Variants in MMP3 observed in about 807,000 individuals in gnomAD.
MMP3 encodes the protein stromelysin-1.
In MMP3, 46 loss-of-function variants were observed where a neutral mutation model predicts 47.3. That is an observed-to-expected ratio of 0.97 (90% confidence interval 0.77 to 1.24). MMP3 has a LOEUF of 1.24. Among genes scored for constraint, MMP3 ranks in the 50% most tolerant of loss-of-function variants. The pLI, the probability that MMP3 is intolerant of heterozygous loss-of-function variation, is 0.00. For synonymous variants in MMP3, 216 were observed against 206.5 expected (o/e 1.05, Z -0.39); for missense variants, 558 against 565.5 (o/e 0.99, Z 0.13).
chr11:102,836,100 CAT>C lies in MMP3; in HGVS notation c.*24_*25del. 1 of 1,495,984 alleles carries C rather than the reference CAT, an allele frequency of 6.7e-7. No individual in the cohort carries two copies. The highest frequency in any genetic ancestry group is 9.3e-7 in the Non-Finnish European group (1 of 1,075,988). 92.7% of individuals were successfully genotyped at this position (1,495,984 alleles called of 1,614,324 possible). A position where few individuals can be genotyped will look rare whatever the true frequency, so the allele number is the denominator to read the frequency against. ...AATTATTAGCTTCATTTAAAGTGCCCATATTGTGCCTTCTACATATCTCTTTC... is the reference window on the plus strand; with the variant it reads ...AATTATTAGCTTCATTTAAAGTGCCCATTGTGCCTTCTACATATCTCTTTC... On this transcript the variant is annotated 3_prime_UTR_variant, in exon 10 of 10. Transcript: ENST00000299855. The surrounding 1 kb of genome is among the most constrained non-coding windows in gnomAD (Gnocchi z 4.6).
rs1555005577 is a variant in MMP3 at position 102,842,265 on chromosome 11, A to G, written c.514T>C (p.Tyr172His). ...ACATTTCCAGGTCCATCAAAAGGGT[A>G]AAAGTCTCCATGTTCTAGTAGGAAA... The part of the protein sequence containing the change: ...SFAVREHGDF[Y>H]PFDGPGNVLA... Residue 172 changes from tyrosine to histidine, a missense_variant, in exon 4 of 10, where the codon TAC (tyrosine) becomes CAC (histidine). Tyr to His is a moderately conservative substitution (Grantham distance 83). Transcript: ENST00000299855. The G allele has an allele frequency of 6.2e-7, 1 of 1,605,578 alleles. No individual in the cohort carries two copies.
chr11:102,838,446 A>G, intron 8 of MMP3, 105 bp downstream of exon 8: 1 of 1,221,492 alleles, frequency 8.2e-7, no homozygotes, highest in Non-Finnish European at 1.1e-6. Flanking sequence ...CATCCTTCCT[A>G]CTAAGAGAGA....
intron 7 of MMP3, among the ~76,000 whole-genome samples, 199 bp downstream of exon 7, chr11:102,838,911 C>T (rs1307721413): frequency 3.3e-5 from 5 of 152,186 alleles, no homozygotes; most frequent in East Asian, 1.9e-4. Context: ...GAATTTACAA[C>T]TCTGGGTAAT....
rs41516350 is a variant in MMP3, at chr11:102,838,649, G to A, written c.1131C>T (p.His377=). The stretch of plus-strand genomic sequence containing the variant: ...TCACGGTTGGAGGGAAACCTAGGGT[G>A]TGGATGCCTCTTGGGTATCCAGCTC... ...EVRAGYPRGI[H]TLGFPPTVRK... The change falls in exon 8 of 10, where the codon CAC becomes CAT. Residue 377 remains histidine, a synonymous_variant. Coordinates refer to ENST00000299855, the MANE Select transcript of MMP3 (RefSeq NM_002422.5). 6.1e-4 allele frequency: 991 copies of A among 1,614,002 alleles called. 5 individuals are homozygous for A. The African/African-American group carries it at 0.011, about 19-fold the overall frequency.
At position 102,835,981 on chromosome 11, in the gene MMP3, T is replaced by C; in HGVS notation, c.*145A>G. 4.7e-6 allele frequency: 3 copies of C among 632,066 alleles called. No homozygotes were observed. The highest frequency in any genetic ancestry group is 2.8e-6 in the Non-Finnish European group (1 of 352,210). The allele number at this position is 632,066 out of a possible 1,614,324, so 39.2% of individuals were successfully genotyped here. ...AATAACATAAAAATGACCGGCAAGA[T>C]ACAGATTCACGCTCAAGTTCCCTTG... On this transcript the variant is annotated 3_prime_UTR_variant, in exon 10 of 10. Coordinates refer to ENST00000299855, the MANE Select transcript of MMP3 (RefSeq NM_002422.5).
chr11:102,843,469 ACC>A lies in MMP3; in HGVS notation c.76_77del (p.Gly26Ter). On this transcript the variant is annotated frameshift_variant, in exon 1 of 10. Coordinates refer to ENST00000299855, the MANE Select transcript of MMP3 (RefSeq NM_002422.5). LOFTEE classifies it high-confidence loss of function. The part of the protein sequence containing the change: ...SAYPLDGAAR[G>X]EDTSMNLVQK... ...GAACAAGGTTCATGCTGGTGTCCTC[ACC>A]CCTTGCAGCTCCATCCAATGGATAG... 6.2e-7 allele frequency: 1 copy of A among 1,613,492 alleles called. No individual in the cohort carries two copies. The highest frequency in any genetic ancestry group is 8.5e-7 in the Non-Finnish European group (1 of 1,179,730).
intron 4 of MMP3, among the ~76,000 whole-genome samples, chr11:102,841,533 G>A (rs1425747444): frequency 1.3e-5 from 2 of 152,032 alleles, no homozygotes; most frequent in Non-Finnish European, 2.9e-5. Flanking sequence ...AGTGTTAATT[G>A]TTTTAGCTGA....
At position 102,840,489 on chromosome 11, in the gene MMP3, T is replaced by C. The variant is rs767046399; in HGVS notation, c.730A>G (p.Thr244Ala). 20 of 1,614,036 alleles carry C rather than the reference T, an allele frequency of 1.2e-5. No homozygotes were observed. Among genetic ancestry groups the C allele is most frequent in the Non-Finnish European group, 1.7e-5 (20 of 1,179,980 alleles). The change falls in exon 5 of 10, where the codon ACA (threonine) becomes GCA (alanine). Residue 244 changes from threonine to alanine, a missense_variant. Thr to Ala is a moderately conservative substitution (Grantham distance 58). Coordinates refer to ENST00000299855, the MANE Select transcript of MMP3 (RefSeq NM_002422.5). ...GACAGGCGGAACCGAGTCAGGTCTG[T>C]GAGTGAGTGATAGAGTGGGTACATC... Reference protein sequence around the residue: ...ALMYPLYHSLTDLTRFRLSQD... With the variant: ...ALMYPLYHSLADLTRFRLSQD...
In MMP3 at chr11:102,840,185, C is replaced by T. The variant is rs145663265; in HGVS notation, c.858G>A (p.Thr286=). Residue 286 remains threonine (T), a synonymous_variant, in exon 6 of 10, where the codon ACG becomes ACA. Coordinates refer to ENST00000299855, the MANE Select transcript of MMP3 (RefSeq NM_002422.5). ...ACAAAGCAGGATCACAGTTGGCTGG[C>T]GTCCCAGGTTCTGGAGGGACAGGTT... ...PTEPVPPEPG[T]PANCDPALSF... is the part of the protein sequence containing the mutation. 43 of 1,613,912 alleles carry T rather than the reference C, an allele frequency of 2.7e-5. No homozygotes were observed. Among genetic ancestry groups the T allele is most frequent in the Non-Finnish European group, 3.2e-5 (38 of 1,179,982 alleles).
In MMP3 at chr11:102,836,791, CT is replaced by C. The variant is rs371846985; in HGVS notation, c.1333+506del. 13,562 of 191,416 alleles carry C rather than the reference CT, an allele frequency of 0.071. 24 individuals carry two copies. The highest frequency in any genetic ancestry group is 0.15 in the South Asian group (1,777 of 11,942). The allele number at this position is 191,416 out of a possible 1,614,324, so 11.9% of individuals were successfully genotyped here. A position where few individuals can be genotyped will look rare whatever the true frequency, so the allele number is the denominator to read the frequency against. ...CCTTACCTTGAGTAGAAAACAAAAT[CT>C]TTTTTTTTTTTTAAACTTTGGGCAC... On this transcript the variant is annotated intron_variant, in intron 9 of 9. Coordinates refer to ENST00000299855, the MANE Select transcript of MMP3 (RefSeq NM_002422.5). This position sits in a 1 kb window ranked among gnomAD's most constrained non-coding sequence, Gnocchi z 4.6.
rs1858874368 is a variant in MMP3, at chr11:102,836,030, G to A, written c.*96C>T. The A allele has an allele frequency of 1.1e-6, 1 of 914,562 alleles. No individual in the cohort carries two copies. The highest frequency in any genetic ancestry group is 1.8e-6 in the Non-Finnish European group (1 of 569,432). The allele number at this position is 914,562 out of a possible 1,614,324, so 56.7% of individuals were successfully genotyped here. On this transcript the variant is annotated 3_prime_UTR_variant, in exon 10 of 10. Transcript: ENST00000299855. This position sits in a 1 kb window ranked among gnomAD's most constrained non-coding sequence, Gnocchi z 4.6. ...TGAGTGTGACTCGAGTCACAGCACAGGCAGGAGAAAACGAACATTTCAATT... is the reference window on the plus strand; with the variant it reads ...TGAGTGTGACTCGAGTCACAGCACAAGCAGGAGAAAACGAACATTTCAATT...
chr11:102,836,224 A>G lies in MMP3; in HGVS notation c.1336T>C (p.Phe446Leu), dbSNP rs1555004527. The G allele has an allele frequency of 1.2e-6, 2 of 1,611,172 alleles. No individual in the cohort carries two copies. The highest frequency in any genetic ancestry group is 1.7e-6 in the Non-Finnish European group (2 of 1,177,644). ...KIDAVFEEFG[F>L]FYFFTGSSQL... is the part of the protein sequence containing the mutation. ...GAAGATCCAGTAAAGAAATAAAAGA[A>G]CCCTGCAAATACAGACAAGGGAAAT... Residue 446 changes from phenylalanine (F) to leucine (L), a missense_variant and splice_region_variant, in exon 10 of 10, where the codon TTC becomes CTC. Coordinates refer to ENST00000299855, the MANE Select transcript of MMP3 (RefSeq NM_002422.5). This position sits in a 1 kb window ranked among gnomAD's most constrained non-coding sequence, Gnocchi z 4.6.
Position 102,840,102 on chromosome 11 carries a change from C to G in MMP3, c.935+6G>C, listed in dbSNP as rs781868768. 21 of 1,607,354 alleles carry G rather than the reference C, an allele frequency of 1.3e-5. No individual in the cohort carries two copies. Among genetic ancestry groups the G allele is most frequent in the Non-Finnish European group, 1.7e-5 (20 of 1,177,534 alleles). On this transcript the variant is annotated splice_donor_region_variant and intron_variant, in intron 6 of 9. Transcript: ENST00000299855. ...ATGGTAGGAAAATATAATTTTTCAG[C>G]CTGACCTGTCTTTAAAGATCAGGAT...
chr11:102,842,766 C>A lies in MMP3; in HGVS notation c.256G>T (p.Val86Leu), dbSNP rs1555005785. ...TGKLDSDTLE[V>L]MRKPRCGVPD... ...ACTCCACACCTGGGCTTGCGCATCA[C>A]CTCCAGAGTGTCGGAGTCCAGCTTC... is the stretch of plus-strand genomic sequence containing the variant. The change falls in exon 2 of 10, where the codon GTG becomes TTG. Residue 86 changes from valine to leucine, a missense_variant. Coordinates refer to ENST00000299855, the MANE Select transcript of MMP3 (RefSeq NM_002422.5). 2.5e-6 allele frequency: 4 copies of A among 1,613,950 alleles called. No individual in the cohort carries two copies. The highest frequency in any genetic ancestry group is 1.6e-4 in the Middle Eastern group (1 of 6,062).
chr11:102,838,826 G>T, intron 7 of MMP3, 116 bp from the exon 8 acceptor site: 1 of 1,254,990 alleles, frequency 8.0e-7, no homozygotes, highest in Non-Finnish European at 1.1e-6. Context: ...CCAAATTTTA[G>T]ATTTAGTCAC....
chr11:102,842,405 T>TTTTTTTTTTTTTTTTTTTTTTTTTG, intron 3 of MMP3, 26 bp downstream of exon 3: 1 of 180,192 alleles, frequency 5.5e-6, no homozygotes, highest in Non-Finnish European at 7.3e-6. Context: ...TTTGTTTTGC[T>TTTTTTTTTTTTTTTTTTTTTTTTTG]TTTTTTTTTT....
chr11:102,842,404 C>CA (rs782594303), intron 3 of MMP3, 27 bp downstream of exon 3: 3 of 810,714 alleles, frequency 3.7e-6, no homozygotes, highest in Non-Finnish European at 4.8e-6. Context: ...TTTTGTTTTG[C>CA]TTTTTTTTTT....
rs1555005665 is a variant in MMP3 at position 102,842,444 on chromosome 11, A to C, written c.486T>G (p.Ser162=). ...TTTTTTTTTTACCTCTAACTGCAAA[A>C]GAGATCATTATATCAGCCTCTCCTT... ...LYEGEADIMI[S]FAVREHGDFY... is the part of the protein sequence containing the mutation. The change falls in exon 3 of 10, where the codon TCT becomes TCG. Residue 162 remains serine (S), a synonymous_variant. Transcript: ENST00000299855. 3 of 1,534,992 alleles carry C rather than the reference A, an allele frequency of 2.0e-6. No homozygotes were observed. The highest frequency in any genetic ancestry group is 1.8e-6 in the Non-Finnish European group (2 of 1,137,812).
rs1858900889 is a variant in MMP3 at position 102,837,346 on chromosome 11, CTT to C, written c.1283_1284del (p.Glu428GlyfsTer6). The C allele has an allele frequency of 1.9e-6, 3 of 1,613,854 alleles. No individual in the cohort carries two copies. The highest frequency in any genetic ancestry group is 2.5e-6 in the Non-Finnish European group (3 of 1,179,982). On this transcript the variant is annotated frameshift_variant, in exon 9 of 10. Coordinates refer to ENST00000299855, the MANE Select transcript of MMP3 (RefSeq NM_002422.5). LOFTEE classifies it high-confidence loss of function. This position sits in a 1 kb window ranked among gnomAD's most constrained non-coding sequence, Gnocchi z 4.4. Reference sequence around the variant, plus strand: ...ATCTTTGAGTCAATCCCTGGAAAGTCTTCAGCTATTTGCTTGGGAAAGCCTGG... The same window carrying C: ...ATCTTTGAGTCAATCCCTGGAAAGTCCAGCTATTTGCTTGGGAAAGCCTGG... ...MEPGFPKQIAEDFPGIDSKID... is the reference protein window; with the variant it reads ...MEPGFPKQIAXDFPGIDSKID...
Sources: allele counts gnomAD v4.1 joint callset (sites outside exome capture counted in the v4.1 genomes callset), GRCh38; gene constraint gnomAD v4.1.1; non-coding constraint Gnocchi (gnomAD v3.1); transcripts MANE v1.5; gene names NCBI Gene and HGNC (gene_info 2026-07-23, HGNC 2026-07-21).